Variants in THOC7 observed in about 807,000 individuals in gnomAD.
THOC7 encodes the protein NIF3L1-binding protein 1.
THOC7 carries 22 observed loss-of-function variants against 33.1 expected under a neutral mutation model. That is an observed-to-expected ratio of 0.66 (90% CI 0.47 to 0.95). The LOEUF (loss-of-function observed/expected upper bound fraction) is 0.95. Among genes scored for constraint, THOC7 ranks in the 40% least tolerant of loss-of-function variants. The pLI is 0.00. For missense variants in THOC7, 184 were observed against 245.3 expected, an observed-to-expected ratio of 0.75 and a Z score of 1.67; for synonymous variants, 77 against 76.8, an observed-to-expected ratio of 1.00 and a Z score of -0.01.
At chr3:63,862,317 A>G (rs2107173949) in intron 1 of THOC7, among the ~76,000 whole-genome samples, 1 of 152,306 alleles carries the variant, frequency 6.6e-6, no homozygotes. Flanking sequence ...AACTTCGAGG[A>G]GGCTTTCTCA....
chr3:63,838,539 G>T, intron 2 of THOC7, 40 bp from the exon 3 acceptor site: 2 of 1,563,370 alleles, frequency 1.3e-6, no homozygotes, highest in South Asian at 1.2e-5. Context: ...AGATATTTGT[G>T]GACTGACAAA....
intron 4 of THOC7, 89 bp downstream of exon 4, chr3:63,837,887 T>C: frequency 8.6e-7 from 1 of 1,159,250 alleles, no homozygotes; most frequent in Non-Finnish European, 1.2e-6. Context: ...TGATTCAGGC[T>C]GCAGATTTTA....
At chr3:63,844,912 C>A in intron 1 of THOC7, 1 of 541,612 alleles carries the variant, frequency 1.8e-6, no homozygotes, top group Non-Finnish European at 3.4e-6. Context: ...GGCAGTGTGG[C>A]TGTTGCTATA....
At chr3:63,854,505 TA>T (rs919839902) in intron 1 of THOC7, 14 of 152,226 alleles carry the variant, frequency 9.2e-5, no homozygotes, top group African/African-American at 3.4e-4. Context: ...GATTTTTTGT[TA>T]TTTTTTTTAT....
intron 4 of THOC7, 109 bp from the exon 5 acceptor site, chr3:63,836,467 AGAAATGAAATCACT>A (rs1701637152): frequency 1.0e-6 from 1 of 987,710 alleles, no homozygotes; most frequent in Non-Finnish European, 1.5e-6. Flanking sequence ...TAGTACATCA[AGAAATGAAATCACT>A]GAAAGATGAG....
chr3:63,850,927 A>G (rs1023786067), intron 1 of THOC7, among the ~76,000 whole-genome samples: 8 of 152,200 alleles, frequency 5.3e-5, no homozygotes, highest in Non-Finnish European at 8.8e-5. Context: ...CTAGATATCA[A>G]TTAATTAAAC....
intron 4 of THOC7, 69 bp from the exon 5 acceptor site, chr3:63,836,427 A>G: frequency 6.9e-7 from 1 of 1,441,144 alleles, no homozygotes; most frequent in Non-Finnish European, 9.7e-7. Context: ...CAAAATGTGT[A>G]ATATCACAAA....
chr3:63,844,028 G>A (rs1000630319), intron 1 of THOC7, among the ~76,000 whole-genome samples: 1 of 152,118 alleles, frequency 6.6e-6, no homozygotes, highest in Non-Finnish European at 1.5e-5. Context: ...CCATAAAAAG[G>A]AGGACATCCT....
chr3:63,847,620 C>G (rs938534028), intron 1 of THOC7, among the ~76,000 whole-genome samples: 2 of 152,070 alleles, frequency 1.3e-5, no homozygotes, highest in African/African-American at 4.8e-5. Flanking sequence ...GCCTGTAATC[C>G]CAGCTACTCA....
chr3:63,851,209 C>G (rs1160137104), intron 1 of THOC7, among the ~76,000 whole-genome samples: 3 of 152,092 alleles, frequency 2.0e-5, no homozygotes, highest in African/African-American at 7.2e-5. Context: ...AATGGTATGT[C>G]TTTAGCTGGA....
rs116679597 is a variant in THOC7, at chr3:63,837,977, T to G, written c.351A>C (p.Gln117His). ...LQAKRIRKNR[Q>H]EYDALAKVIQ... Reference sequence around the variant, plus strand: ...CATTAAATCCCTCAAAACCCTTACCTTGGCGATTTTTTCGTATTCGTTTTG... The same window carrying G: ...CATTAAATCCCTCAAAACCCTTACCGTGGCGATTTTTTCGTATTCGTTTTG... Residue 117 changes from glutamine (Q) to histidine (H), a missense_variant and splice_region_variant, in exon 4 of 8, where the codon CAA (glutamine) becomes CAC (histidine). Transcript: ENST00000295899. 1 of 1,607,356 alleles carries G rather than the reference T, an allele frequency of 6.2e-7. No individual in the cohort carries two copies. The highest frequency in any genetic ancestry group is 8.5e-7 in the Non-Finnish European group (1 of 1,177,672).
intron 1 of THOC7, chr3:63,863,460 C>T: frequency 8.7e-7 from 1 of 1,151,288 alleles, no homozygotes. Context: ...CCGTCTCGGC[C>T]ACCCACGTGT....
At chr3:63,835,264 A>T in intron 6 of THOC7, 41 bp from the exon 7 acceptor site, 4 of 1,612,678 alleles carry the variant, frequency 2.5e-6, no homozygotes, top group Non-Finnish European at 3.4e-6. Context: ...TGACCTGTAT[A>T]TATAGATATA....
At position 63,835,159 on chromosome 3, in the gene THOC7, A is replaced by G. The variant is rs138364826; in HGVS notation, c.542T>C (p.Leu181Ser). 2 of 1,613,350 alleles carry G rather than the reference A, an allele frequency of 1.2e-6. No individual in the cohort carries two copies. The highest frequency in any genetic ancestry group is 2.7e-5 in the African/African-American group (2 of 74,900). Reference protein sequence around the residue: ...LSTIHELQQTLENDEKLSEVE... With the variant: ...LSTIHELQQTSENDEKLSEVE... ...TTGAGACTATTTCTACTTACTTTCC[A>G]ATGTTTGCTGAAGTTCATGGATGGT... is the stretch of plus-strand genomic sequence containing the variant. The change falls in exon 7 of 8, where the codon TTG (leucine) becomes TCG (serine). Residue 181 changes from leucine to serine, a missense_variant. Transcript: ENST00000295899.
rs547867728 is a variant in THOC7, at chr3:63,834,088, G to A, written c.*44C>T. On this transcript the variant is annotated 3_prime_UTR_variant, in exon 8 of 8. Transcript: ENST00000295899. ...CACATTTTAAACACATTATGGTCAT[G>A]TAGCTATTTCAATATTCCTGGGAGT... The A allele has an allele frequency of 5.7e-5, 91 of 1,593,220 alleles. 2 individuals are homozygous for A. In the South Asian group the frequency reaches 9.1e-4, roughly 16 times the overall value.
chr3:63,850,476 C>G (rs1018146383), intron 1 of THOC7, among the ~76,000 whole-genome samples: 1 of 151,494 alleles, frequency 6.6e-6, no homozygotes, highest in Admixed American at 6.6e-5. Context: ...GCTGGGATTA[C>G]AAGCGTGAGT....
intron 1 of THOC7, among the ~76,000 whole-genome samples, chr3:63,862,879 T>G (rs1177508500): frequency 6.6e-6 from 1 of 152,040 alleles, no homozygotes; most frequent in African/African-American, 2.4e-5. Flanking sequence ...AGTGTCACCT[T>G]ATTTCCGCTC....
At chr3:63,861,972 G>C (rs907918102) in intron 1 of THOC7, among the ~76,000 whole-genome samples, 1 of 151,894 alleles carries the variant, frequency 6.6e-6, no homozygotes. Context: ...TTTTGTATTT[G>C]TAGACATGGG....
At chr3:63,840,989 T>C (rs935205984) in intron 1 of THOC7, among the ~76,000 whole-genome samples, 1 of 152,224 alleles carries the variant, frequency 6.6e-6, no homozygotes, top group Non-Finnish European at 1.5e-5. Flanking sequence ...GGGATGTTCT[T>C]AGTGGTACTG....
Sources: allele counts gnomAD v4.1 joint callset (sites outside exome capture counted in the v4.1 genomes callset), GRCh38; gene constraint gnomAD v4.1.1; transcripts MANE v1.5; gene names NCBI Gene and HGNC (gene_info 2026-07-23, HGNC 2026-07-21).